The following USP25 variants were observed in gnomAD, a reference collection of about 807,000 sequenced individuals.
The protein encoded by USP25 is ubiquitin carboxyl-terminal hydrolase 25.
Under a neutral mutation model 158.5 loss-of-function variants are expected in USP25, and 85 were observed. That is an observed-to-expected ratio of 0.54 (90% CI 0.45 to 0.64). The LOEUF (loss-of-function observed/expected upper bound fraction) is 0.64. Ranked by LOEUF, USP25 falls within the 30% of genes least tolerant of loss-of-function variation. The pLI is 0.00. For synonymous variants in USP25, 464 were observed against 460.4 expected, an observed-to-expected ratio of 1.01 and a Z score of -0.10; for missense variants, 1,242 against 1,327.3, an observed-to-expected ratio of 0.94 and a Z score of 1.00.
chr21:15,755,003 G>A (rs2033281757), intron 1 of USP25, among the ~76,000 whole-genome samples: 1 of 152,134 alleles, frequency 6.6e-6, no homozygotes, highest in Non-Finnish European at 1.5e-5. Context: ...AGAGGTTTTT[G>A]CAAAATCAGG....
At chr21:15,835,329 T>A (rs2823504) in intron 17 of USP25, among the ~76,000 whole-genome samples, 44,018 of 152,082 alleles carry the variant, frequency 0.29, 10,670 homozygotes, top group African/African-American at 0.67. Flanking sequence ...CTCCAAATTT[T>A]CAGAGTTAAC....
At chr21:15,779,231 C>T (rs913685909) in intron 4 of USP25, among the ~76,000 whole-genome samples, 3 of 151,914 alleles carry the variant, frequency 2.0e-5, no homozygotes, top group African/African-American at 7.2e-5. Flanking sequence ...CGTAGTTAGG[C>T]TTATTTTCTG....
intron 20 of USP25, among the ~76,000 whole-genome samples, chr21:15,859,129 T>G (rs1393582961): frequency 6.7e-6 from 1 of 148,792 alleles, no homozygotes; most frequent in East Asian, 1.9e-4. Flanking sequence ...ACAAATTATA[T>G]ATATATAATA....
rs562281636 is a variant in USP25, at chr21:15,785,878, TAAAC to T, written c.393-5622_393-5619del. On this transcript the variant is annotated intron_variant, in intron 4 of 25. Coordinates refer to ENST00000400183, the MANE Select transcript of USP25 (RefSeq NM_001283041.3). Reference sequence around the variant, plus strand: ...GATCAGTGAAATTTTTTTGAGAAGATAAACAGAATCAACAAACCTTTAGCTAGAC... The same window carrying T: ...GATCAGTGAAATTTTTTTGAGAAGATAGAATCAACAAACCTTTAGCTAGAC... Among the ~76,000 whole-genome samples the T allele has an allele frequency of 5.0e-3, 685 of 136,112 alleles. 3 individuals carry two copies. Among genetic ancestry groups the T allele is most frequent in the Non-Finnish European group, 6.4e-3 (398 of 61,926 alleles). The allele number at this position is 136,112 out of a possible 152,430, so 89.3% of individuals were successfully genotyped here.
chr21:15,754,787 G>A (rs1239869612), intron 1 of USP25, among the ~76,000 whole-genome samples: 1 of 152,212 alleles, frequency 6.6e-6, no homozygotes, highest in Non-Finnish European at 1.5e-5. Flanking sequence ...TGAGGGAAAT[G>A]AAAGATCCGG....
intron 1 of USP25, among the ~76,000 whole-genome samples, chr21:15,738,972 G>A (rs903077307): frequency 2.0e-5 from 3 of 151,910 alleles, no homozygotes; most frequent in African/African-American, 2.4e-5. Context: ...CCTCTCACAC[G>A]CACCCTCTTA....
chr21:15,855,622 C>T (rs2039096004), intron 20 of USP25, among the ~76,000 whole-genome samples: 1 of 152,194 alleles, frequency 6.6e-6, no homozygotes, highest in Non-Finnish European at 1.5e-5. Context: ...CTCTTTTCCT[C>T]TTGGTTGTGT....
chr21:15,764,159 A>G (rs2033899923), intron 2 of USP25, among the ~76,000 whole-genome samples: 1 of 152,128 alleles, frequency 6.6e-6, no homozygotes, highest in Admixed American at 6.6e-5. Context: ...CTCAATTTTT[A>G]TGATTATGAC....
intron 1 of USP25, 79 bp from the exon 2 acceptor site, chr21:15,762,812 C>T: frequency 7.4e-7 from 1 of 1,346,026 alleles, no homozygotes; most frequent in Non-Finnish European, 1.0e-6. Flanking sequence ...TTTTGGAAAA[C>T]CAAAGGTGAT....
intron 16 of USP25, 116 bp downstream of exon 16, chr21:15,831,745 C>T (rs2037815237): frequency 2.3e-6 from 2 of 873,906 alleles, no homozygotes; most frequent in African/African-American, 1.7e-5. Context: ...TTAGGAAATG[C>T]TACTGGGTTT....
intron 20 of USP25, among the ~76,000 whole-genome samples, chr21:15,850,515 G>A (rs2038836575): frequency 6.9e-6 from 1 of 145,846 alleles, no homozygotes; most frequent in Non-Finnish European, 1.5e-5. Context: ...TACCATGTAT[G>A]TTTTGTCATT....
chr21:15,857,956 T>C (rs1425461820), intron 20 of USP25, among the ~76,000 whole-genome samples: 4 of 152,050 alleles, frequency 2.6e-5, no homozygotes, highest in African/African-American at 9.7e-5. Flanking sequence ...ATCATACCTA[T>C]ACTAAATCCC....
intron 10 of USP25, among the ~76,000 whole-genome samples, chr21:15,823,016 GATTCAGTTTGCCAGATGTGTGCC>G (rs1461454892): frequency 6.6e-6 from 1 of 151,954 alleles, no homozygotes; most frequent in Non-Finnish European, 1.5e-5. Context: ...ATCCTCCTCA[GATTCAGTTTGCCAGATGTGTGCC>G]ATTCATGCTT....
At position 15,831,384 on chromosome 21, in the gene USP25, C is replaced by T; in HGVS notation, c.1765-17C>T. The T allele has an allele frequency of 6.2e-7, 1 of 1,612,164 alleles. No homozygotes were observed. Among genetic ancestry groups the T allele is most frequent in the Non-Finnish European group, 8.5e-7 (1 of 1,178,416 alleles). On this transcript the variant is annotated splice_polypyrimidine_tract_variant and intron_variant, in intron 15 of 25. Transcript: ENST00000400183. The stretch of plus-strand genomic sequence containing the variant: ...ACTACATAATTGCAGTTTAACTCTT[C>T]TTTTTTTCACATTTAGGTTCCTTAT...
At chr21:15,804,305 G>C (rs2036270708) in intron 6 of USP25, among the ~76,000 whole-genome samples, 1 of 151,490 alleles carries the variant, frequency 6.6e-6, no homozygotes. Context: ...AGAAACAAAA[G>C]TAAGATTTCA....
intron 1 of USP25, among the ~76,000 whole-genome samples, chr21:15,731,731 G>A (rs1449357711): frequency 6.6e-6 from 1 of 152,206 alleles, no homozygotes; most frequent in East Asian, 1.9e-4. Flanking sequence ...TTTATTTACA[G>A]TGAAATAATT....
rs1469932513 is a variant in USP25, at chr21:15,843,153, G to A, written c.2337+613G>A. On this transcript the variant is annotated intron_variant, in intron 18 of 25. Coordinates refer to ENST00000400183, the MANE Select transcript of USP25 (RefSeq NM_001283041.3). The surrounding 1 kb of genome is among the most constrained non-coding windows in gnomAD (Gnocchi z 4.0). ...TAGCGGTAAATTGAGCATGTTTGGTGTTATACTGTGTTATCAGTGAATATG... is the reference window on the plus strand; with the variant it reads ...TAGCGGTAAATTGAGCATGTTTGGTATTATACTGTGTTATCAGTGAATATG... Among the ~76,000 whole-genome samples the A allele has an allele frequency of 6.6e-6, 1 of 152,078 alleles. No homozygotes were observed. Among genetic ancestry groups the A allele is most frequent in the Non-Finnish European group, 1.5e-5 (1 of 68,012 alleles).
At chr21:15,831,800 C>G (rs181485896) in intron 16 of USP25, among the ~76,000 whole-genome samples, 171 bp downstream of exon 16, 3 of 152,132 alleles carry the variant, frequency 2.0e-5, no homozygotes, top group African/African-American at 7.2e-5. Flanking sequence ...GCTAAGAATT[C>G]GTATATATTT....
chr21:15,804,700 A>T lies in USP25; in HGVS notation c.643-421A>T, dbSNP rs190202846. ...GTGGAGATTTTTGCTAAATGGGTTTATTGAGATCAAGCACTTAGAACAGTG... is the reference window on the plus strand; with the variant it reads ...GTGGAGATTTTTGCTAAATGGGTTTTTTGAGATCAAGCACTTAGAACAGTG... On this transcript the variant is annotated intron_variant, in intron 6 of 25. Coordinates refer to ENST00000400183, the MANE Select transcript of USP25 (RefSeq NM_001283041.3). 5.3e-5 allele frequency among the ~76,000 whole-genome samples: 8 copies of T among 152,162 alleles called. No individual in the cohort carries two copies. The East Asian group carries it at 1.6e-3, about 30-fold the overall frequency.
Sources: gnomAD v4.1 joint callset for allele counts (sites outside exome capture counted in the v4.1 genomes callset) on GRCh38, gnomAD v4.1.1 for gene constraint, Gnocchi (gnomAD v3.1) non-coding constraint, MANE v1.5 for transcripts, NCBI Gene and HGNC (gene_info 2026-07-23, HGNC 2026-07-21) for gene names.